FZR1: variants seen among roughly 807,000 people sequenced by gnomAD.
The protein encoded by FZR1 is fizzy-related protein homolog.
In FZR1, 11 loss-of-function variants were observed where a neutral mutation model predicts 63.6. The ratio of observed to expected loss-of-function variants is 0.17; its 90% CI spans 0.11 to 0.29. The LOEUF (loss-of-function observed/expected upper bound fraction) is 0.29. FZR1 is among the 10% of genes least tolerant of loss of function. The pLI, the probability that FZR1 is intolerant of heterozygous loss-of-function variation, is 1.00. For missense variants in FZR1, 440 were observed against 687.5 expected (o/e 0.64, Z 4.03); for synonymous variants, 328 against 297.9 (o/e 1.10, Z -1.04).
chr19:3,514,894 G>A lies in FZR1; in HGVS notation c.-34-8062G>A, dbSNP rs556552536. ...GAAGCTCGAGACTGAAGGCTTGCCC[G>A]GGGCAGTGGCAGAAGGAGGCCTCCT... On this transcript the variant is annotated intron_variant, in intron 1 of 13. Transcript: ENST00000441788. This position sits in a 1 kb window ranked among gnomAD's most constrained non-coding sequence, Gnocchi z 4.2. 2.0e-5 allele frequency among the ~76,000 whole-genome samples: 3 copies of A among 152,324 alleles called. No individual in the cohort carries two copies. Among genetic ancestry groups the A allele is most frequent in the African/African-American group, 7.2e-5 (3 of 41,572 alleles).
Position 3,531,746 on chromosome 19 carries a change from C to T in FZR1, c.753C>T (p.Gly251=). The stretch of plus-strand genomic sequence containing the variant: ...TGGTGGCGGTGGGCACACACAAGGG[C>T]TTCGTGCAGATCTGGGACGCAGCCG... ...GNLVAVGTHK[G]FVQIWDAAAG... The change falls in exon 9 of 14, where the codon GGC becomes GGT. Residue 251 remains glycine, a synonymous_variant. Coordinates refer to ENST00000441788, the MANE Select transcript of FZR1 (RefSeq NM_016263.4). The T allele has an allele frequency of 1.3e-6, 2 of 1,550,060 alleles. No individual in the cohort carries two copies. The highest frequency in any genetic ancestry group is 2.4e-5 in the South Asian group (2 of 84,024).
chr19:3,508,467 G>A (rs1202734623), intron 1 of FZR1, among the ~76,000 whole-genome samples: 7 of 152,174 alleles, frequency 4.6e-5, no homozygotes, highest in Non-Finnish European at 8.8e-5. Flanking sequence ...AAAGTGCTGT[G>A]ATTACAGGCG....
chr19:3,515,782 A>G lies in FZR1; in HGVS notation c.-34-7174A>G, dbSNP rs1276926988. Among the ~76,000 whole-genome samples the G allele has an allele frequency of 1.4e-5, 2 of 142,358 alleles. No individual in the cohort carries two copies. Among genetic ancestry groups the G allele is most frequent in the African/African-American group, 2.7e-5 (1 of 37,604 alleles). 93.4% of individuals were successfully genotyped at this position (142,358 alleles called of 152,430 possible). On this transcript the variant is annotated intron_variant, in intron 1 of 13. Coordinates refer to ENST00000441788, the MANE Select transcript of FZR1 (RefSeq NM_016263.4). This position sits in a 1 kb window ranked among gnomAD's most constrained non-coding sequence, Gnocchi z 4.6. The stretch of plus-strand genomic sequence containing the variant: ...CTCCGTCTCTAAAAAAAAAAAAAAA[A>G]GGAATTCAAGAAGTACAAAACGAGG...
At position 3,536,677 on chromosome 19, in the gene FZR1, G is replaced by C. The variant is rs546177767; in HGVS notation, c.*1841G>C. 17 of 152,340 alleles carry C rather than the reference G, an allele frequency of 1.1e-4. No homozygotes were observed. The highest frequency in any genetic ancestry group is 3.9e-4 in the African/African-American group (16 of 41,468). 9.4% of individuals were successfully genotyped at this position (152,340 alleles called of 1,614,324 possible). On this transcript the variant is annotated 3_prime_UTR_variant, in exon 14 of 14. Coordinates refer to ENST00000441788, the MANE Select transcript of FZR1 (RefSeq NM_016263.4). Reference sequence around the variant, plus strand: ...GCTGGTTCTGCCCATGCTAGGGGGTGGGGGAGCTCCCAGGACAGACCAGCC... The same window carrying C: ...GCTGGTTCTGCCCATGCTAGGGGGTCGGGGAGCTCCCAGGACAGACCAGCC...
intron 1 of FZR1, among the ~76,000 whole-genome samples, chr19:3,520,706 G>A (rs150353849): frequency 3.2e-4 from 48 of 152,346 alleles, no homozygotes; most frequent in Non-Finnish European, 6.6e-4. Flanking sequence ...ACAGCCCTGC[G>A]GTTGATCCTA....
Position 3,525,448 on chromosome 19 carries a change from T to C in FZR1, c.70-420T>C, listed in dbSNP as rs912758710. 7.2e-5 allele frequency among the ~76,000 whole-genome samples: 10 copies of C among 138,270 alleles called. No homozygotes were observed. Among genetic ancestry groups the C allele is most frequent in the African/African-American group, 2.7e-4 (10 of 36,958 alleles). 90.7% of individuals were successfully genotyped at this position (138,270 alleles called of 152,430 possible). A position where few individuals can be genotyped will look rare whatever the true frequency, so the allele number is the denominator to read the frequency against. On this transcript the variant is annotated intron_variant, in intron 2 of 13. Coordinates refer to ENST00000441788, the MANE Select transcript of FZR1 (RefSeq NM_016263.4). The surrounding 1 kb of genome is among the most constrained non-coding windows in gnomAD (Gnocchi z 4.2). ...TTGGGTTTTCTTTTTTTTTTTTTTT[T>C]TTTTTTTTTTTTGAGACGGAGTCTC...
At position 3,529,142 on chromosome 19, in the gene FZR1, A is replaced by ATGAGTGAGCGGT. The variant is rs1568237465; in HGVS notation, c.654+1330_654+1331insAGTGAGCGGTTG. On this transcript the variant is annotated intron_variant, in intron 7 of 13. Coordinates refer to ENST00000441788, the MANE Select transcript of FZR1 (RefSeq NM_016263.4). The stretch of plus-strand genomic sequence containing the variant: ...GATGGGAGAGCGGATGGGAGAGCGG[A>ATGAGTGAGCGGT]TGGGAGAGCGGATGGGAGAGCGGTT... Among the ~76,000 whole-genome samples the ATGAGTGAGCGGT allele has an allele frequency of 3.5e-5, 3 of 85,710 alleles. 1 individual carries two copies. The highest frequency in any genetic ancestry group is 1.1e-4 in the African/African-American group (2 of 18,782). 56.2% of individuals were successfully genotyped at this position (85,710 alleles called of 152,430 possible).
chr19:3,522,634 A>C (rs2083113184), intron 1 of FZR1, among the ~76,000 whole-genome samples: 1 of 152,204 alleles, frequency 6.6e-6, no homozygotes, highest in African/African-American at 2.4e-5. Context: ...GCCCACGCTC[A>C]GGGAAGAGTC....
At position 3,527,647 on chromosome 19, in the gene FZR1, TC is replaced by T; in HGVS notation, c.493del (p.Arg165GlyfsTer41). On this transcript the variant is annotated frameshift_variant, in exon 7 of 14. Transcript: ENST00000441788. LOFTEE classifies it high-confidence loss of function. Reference protein sequence around the residue: ...VSNKSQKLLRSPRKPTRKISK... With the variant: ...VSNKSQKLLRXPRKPTRKISK... ...CCTCTGCAGCCAGAAGCTGCTCCGG[TC>T]CCCCCGGAAACCCACCCGCAAGATC... 4 of 1,608,538 alleles carry T rather than the reference TC, an allele frequency of 2.5e-6. No individual in the cohort carries two copies.
Position 3,520,332 on chromosome 19 carries a change from G to GGCAGGCTGGAAGGAGGGA in FZR1, c.-34-2622_-34-2605dup, listed in dbSNP as rs771755226. 3.2e-4 allele frequency among the ~76,000 whole-genome samples: 48 copies of GGCAGGCTGGAAGGAGGGA among 152,316 alleles called. No homozygotes were observed. In the South Asian group the frequency reaches 4.8e-3, roughly 15 times the overall value. ...GTGACATGACCTGGCCCCAGTAGGG[G>GGCAGGCTGGAAGGAGGGA]GCAGGCTGGAAGGAGGGAGAGCTGC... On this transcript the variant is annotated intron_variant, in intron 1 of 13. Transcript: ENST00000441788.
intron 6 of FZR1, 148 bp downstream of exon 6, chr19:3,527,210 C>T: frequency 2.8e-6 from 2 of 705,854 alleles, no homozygotes; most frequent in Non-Finnish European, 5.0e-6. Flanking sequence ...TGGCCTGGAG[C>T]TGTGACTGTG....
Position 3,526,047 on chromosome 19 carries a change from C to T in FZR1, c.195+54C>T. On this transcript the variant is annotated intron_variant, in intron 3 of 13. Coordinates refer to ENST00000441788, the MANE Select transcript of FZR1 (RefSeq NM_016263.4). This position sits in a 1 kb window ranked among gnomAD's most constrained non-coding sequence, Gnocchi z 5.4. ...ACCCCCCGGGAAGCCCAGGGCCCCT[C>T]CCAGCCTCCTTGCTCTAGGGCCGGG... 1.9e-6 allele frequency: 3 copies of T among 1,611,792 alleles called. No homozygotes were observed. The South Asian group carries it at 3.3e-5, about 18-fold the overall frequency.
chr19:3,530,986 C>T, intron 8 of FZR1, 129 bp downstream of exon 8: 2 of 648,510 alleles, frequency 3.1e-6, no homozygotes, highest in Non-Finnish European at 5.4e-6. Context: ...AGGTCTGTGT[C>T]CCCCACTGTC....
At chr19:3,531,634 C>G (rs765400980) in intron 8 of FZR1, 80 bp from the exon 9 acceptor site, 164 of 962,682 alleles carry the variant, frequency 1.7e-4, no homozygotes, top group Non-Finnish European at 2.5e-4. Flanking sequence ...AGGAGAGAGC[C>G]TGGCGCGACC....
chr19:3,526,260 C>T lies in FZR1; in HGVS notation c.261C>T (p.Asp87=), dbSNP rs370952568. Residue 87 remains aspartate (D), a splice_region_variant and synonymous_variant, in exon 5 of 14, where the codon GAC becomes GAT. Transcript: ENST00000441788. The surrounding 1 kb of genome is among the most constrained non-coding windows in gnomAD (Gnocchi z 5.4). ...CCTCACTGTGCTTGGTGCCCGCAGA[C>T]GGCCTGGCCTACTCTGCCCTGCTCA... The part of the protein sequence containing the change: ...AKDATSDNGK[D]GLAYSALLKN... 7.0e-5 allele frequency: 113 copies of T among 1,611,526 alleles called. No individual in the cohort carries two copies. Among genetic ancestry groups the T allele is most frequent in the African/African-American group, 2.0e-4 (15 of 74,906 alleles).
chr19:3,517,079 T>C (rs2083063756), intron 1 of FZR1, among the ~76,000 whole-genome samples: 1 of 152,214 alleles, frequency 6.6e-6, no homozygotes, highest in Non-Finnish European at 1.5e-5. Context: ...GTGACACTTG[T>C]TTACATTCTC....
chr19:3,525,741 C>T lies in FZR1; in HGVS notation c.70-127C>T. On this transcript the variant is annotated intron_variant, in intron 2 of 13. Transcript: ENST00000441788. This position sits in a 1 kb window ranked among gnomAD's most constrained non-coding sequence, Gnocchi z 4.2. ...ACGGGCGTGAGCCACCGCGCCTGGC[C>T]CACCCCTTGGGTTTTCAAGATCAAA... 2 of 1,195,318 alleles carry T rather than the reference C, an allele frequency of 1.7e-6. No homozygotes were observed. The highest frequency in any genetic ancestry group is 2.3e-6 in the Non-Finnish European group (2 of 852,238). 74.0% of individuals were successfully genotyped at this position (1,195,318 alleles called of 1,614,324 possible).
rs2083238405 is a variant in FZR1, at chr19:3,530,715, T to C, written c.655-77T>C. On this transcript the variant is annotated intron_variant, in intron 7 of 13. Coordinates refer to ENST00000441788, the MANE Select transcript of FZR1 (RefSeq NM_016263.4). Reference sequence around the variant, plus strand: ...GGATGAGAGTGGATGGGTGAGACAGTGGAGGGATGAATGTACCCATGGATA... The same window carrying C: ...GGATGAGAGTGGATGGGTGAGACAGCGGAGGGATGAATGTACCCATGGATA... 4 of 1,042,348 alleles carry C rather than the reference T, an allele frequency of 3.8e-6. No homozygotes were observed. The Admixed American group carries it at 5.9e-5, about 15-fold the overall frequency. The allele number at this position is 1,042,348 out of a possible 1,614,324, so 64.6% of individuals were successfully genotyped here. A position where few individuals can be genotyped will look rare whatever the true frequency, so the allele number is the denominator to read the frequency against.
intron 8 of FZR1, among the ~76,000 whole-genome samples, chr19:3,531,473 C>T (rs1007926860): frequency 1.6e-4 from 25 of 152,374 alleles, no homozygotes; most frequent in African/African-American, 6.0e-4. Flanking sequence ...GGAAGGTCCA[C>T]GTACCGAGTC....
Sources: allele counts gnomAD v4.1 joint callset (sites outside exome capture counted in the v4.1 genomes callset), GRCh38; gene constraint gnomAD v4.1.1; non-coding constraint Gnocchi (gnomAD v3.1); transcripts MANE v1.5; gene names NCBI Gene and HGNC (gene_info 2026-07-23, HGNC 2026-07-21).